Variants in CAMKMT observed in about 807,000 individuals in gnomAD.
CAMKMT encodes CaM KMT.
A neutral mutation model predicts 48.0 loss-of-function variants in CAMKMT; 53 were observed. The ratio of observed to expected loss-of-function variants is 1.10; its 90% CI spans 0.89 to 1.39. The LOEUF (loss-of-function observed/expected upper bound fraction) is 1.39, where lower values mean the gene tolerates loss of function less well. CAMKMT is among the 40% of genes most tolerant of loss of function. The probability of loss-of-function intolerance (pLI) is 0.00; values close to 1 mark genes in which losing one functional copy is unlikely to be tolerated. For synonymous variants in CAMKMT, 165 were observed against 152.3 expected, an observed-to-expected ratio of 1.08 and a Z score of -0.61; for missense variants, 428 against 402.7, an observed-to-expected ratio of 1.06 and a Z score of -0.54.
chr2:44,746,982 T>C (rs539354891), intron 8 of CAMKMT, among the ~76,000 whole-genome samples: 29 of 152,342 alleles, frequency 1.9e-4, no homozygotes, highest in African/African-American at 7.0e-4. Context: ...ATTGTAGCTC[T>C]GCAAAAATAG....
intron 3 of CAMKMT, among the ~76,000 whole-genome samples, chr2:44,425,210 A>T (rs1684200657): frequency 6.6e-6 from 1 of 152,208 alleles, no homozygotes; most frequent in Non-Finnish European, 1.5e-5. Flanking sequence ...ACAATAGTTA[A>T]TGGCTGGGTT....
rs1001697341 is a variant in CAMKMT at position 44,772,319 on chromosome 2, G to A, written c.*206G>A. ...CCCCGCCTCTTTTTACACTCTGCTTGTTGCTCGTCCTGCCCTAAACCTTTG... is the reference window on the plus strand; with the variant it reads ...CCCCGCCTCTTTTTACACTCTGCTTATTGCTCGTCCTGCCCTAAACCTTTG... On this transcript the variant is annotated 3_prime_UTR_variant, in exon 11 of 11. Coordinates refer to ENST00000378494, the MANE Select transcript of CAMKMT (RefSeq NM_024766.5). The A allele has an allele frequency of 9.8e-6, 5 of 508,026 alleles. No individual in the cohort carries two copies. The highest frequency in any genetic ancestry group is 7.8e-5 in the African/African-American group (4 of 51,560). 31.5% of individuals were successfully genotyped at this position (508,026 alleles called of 1,614,324 possible).
At chr2:44,700,237 G>A (rs189037991) in intron 3 of CAMKMT, among the ~76,000 whole-genome samples, 2 of 152,202 alleles carry the variant, frequency 1.3e-5, no homozygotes, top group African/African-American at 4.8e-5. Context: ...AGAGAACGTT[G>A]TGGCTGGTTT....
chr2:44,527,794 C>G lies in CAMKMT; in HGVS notation c.376+137489C>G, dbSNP rs531715380. On this transcript the variant is annotated intron_variant, in intron 3 of 10. Coordinates refer to ENST00000378494, the MANE Select transcript of CAMKMT (RefSeq NM_024766.5). The stretch of plus-strand genomic sequence containing the variant: ...CTCCCACATGTGTACAGCCCCCCCC[C>G]CCATTATCAATATACTCAATGTTTG... 2.2e-4 allele frequency among the ~76,000 whole-genome samples: 30 copies of G among 137,478 alleles called. 1 individual carries two copies. The East Asian group carries it at 6.1e-3, about 28-fold the overall frequency. 90.2% of individuals were successfully genotyped at this position (137,478 alleles called of 152,430 possible). A position where few individuals can be genotyped will look rare whatever the true frequency, so the allele number is the denominator to read the frequency against.
rs550061459 is a variant in CAMKMT, at chr2:44,770,828, A to G, written c.895-1208A>G. On this transcript the variant is annotated intron_variant, in intron 10 of 10. Transcript: ENST00000378494. Reference sequence around the variant, plus strand: ...AATCCACAAGGATCTTCCTAAATAGACAACAAATCATCTGTACACAGAACA... The same window carrying G: ...AATCCACAAGGATCTTCCTAAATAGGCAACAAATCATCTGTACACAGAACA... Among the ~76,000 whole-genome samples the G allele has an allele frequency of 2.0e-5, 3 of 152,366 alleles. No homozygotes were observed. The East Asian group carries it at 5.8e-4, about 29-fold the overall frequency.
intron 2 of CAMKMT, among the ~76,000 whole-genome samples, chr2:44,379,289 A>G (rs1680006127): frequency 6.6e-6 from 1 of 152,182 alleles, no homozygotes; most frequent in Non-Finnish European, 1.5e-5. Context: ...TGTATGGCTA[A>G]TGTATTTTGT....
chr2:44,597,694 G>A (rs1020007878), intron 3 of CAMKMT, among the ~76,000 whole-genome samples: 4 of 152,090 alleles, frequency 2.6e-5, no homozygotes, highest in African/African-American at 9.7e-5. Flanking sequence ...AAATACAATT[G>A]TGGTATAGTA....
In CAMKMT at chr2:44,754,107, C is replaced by A; in HGVS notation, c.751C>A (p.Leu251Ile). ...ASLVDAIKRLLQPRGKAMVFA... is the reference protein window; with the variant it reads ...ASLVDAIKRLIQPRGKAMVFA... ...CCTTGTTGATGCAATAAAGAGATTACTCCAGCCCAGGGTAAGTATGTTTCT... is the reference window on the plus strand; with the variant it reads ...CCTTGTTGATGCAATAAAGAGATTAATCCAGCCCAGGGTAAGTATGTTTCT... The change falls in exon 9 of 11, where the codon CTC becomes ATC. Residue 251 changes from leucine to isoleucine, a missense_variant. Coordinates refer to ENST00000378494, the MANE Select transcript of CAMKMT (RefSeq NM_024766.5). The A allele has an allele frequency of 1.2e-6, 2 of 1,613,394 alleles. No homozygotes were observed. The highest frequency in any genetic ancestry group is 1.7e-6 in the Non-Finnish European group (2 of 1,179,338).
At chr2:44,551,853 A>T (rs2103654315) in intron 3 of CAMKMT, among the ~76,000 whole-genome samples, 1 of 152,292 alleles carries the variant, frequency 6.6e-6, no homozygotes, top group East Asian at 1.9e-4. Context: ...TACAGAAGAG[A>T]AAACTGAGTC....
At chr2:44,526,489 G>A (rs1324159911) in intron 3 of CAMKMT, among the ~76,000 whole-genome samples, 1 of 152,156 alleles carries the variant, frequency 6.6e-6, no homozygotes, top group South Asian at 2.1e-4. Context: ...TGGTCATATA[G>A]TTCCAGTCCA....
At chr2:44,481,836 G>C (rs1191359875) in intron 3 of CAMKMT, among the ~76,000 whole-genome samples, 1 of 151,822 alleles carries the variant, frequency 6.6e-6, no homozygotes, top group Non-Finnish European at 1.5e-5. Flanking sequence ...TATATTTTTA[G>C]GTATCATACA....
At position 44,534,458 on chromosome 2, in the gene CAMKMT, A is replaced by G. The variant is rs75898029; in HGVS notation, c.376+144153A>G. Among the ~76,000 whole-genome samples, 828 of 152,324 alleles carry G rather than the reference A, an allele frequency of 5.4e-3. 7 individuals are homozygous for G. Among genetic ancestry groups the G allele is most frequent in the African/African-American group, 0.019 (784 of 41,572 alleles). The stretch of plus-strand genomic sequence containing the variant: ...CATTCTTCTCATCATTATATTGAAC[A>G]TTCTGCAGGATAGAACATATGTTAG... On this transcript the variant is annotated intron_variant, in intron 3 of 10. Coordinates refer to ENST00000378494, the MANE Select transcript of CAMKMT (RefSeq NM_024766.5).
At chr2:44,621,136 T>TC (rs1672164147) in intron 3 of CAMKMT, among the ~76,000 whole-genome samples, 1 of 151,348 alleles carries the variant, frequency 6.6e-6, no homozygotes, top group Non-Finnish European at 1.5e-5. Context: ...GGCGTGGTGA[T>TC]GGGCGCTTGT....
chr2:44,515,377 A>C (rs924801656), intron 3 of CAMKMT, among the ~76,000 whole-genome samples: 2 of 152,160 alleles, frequency 1.3e-5, no homozygotes, highest in African/African-American at 2.4e-5. Flanking sequence ...AAATGCTTAC[A>C]ATCTGGCAAA....
intron 2 of CAMKMT, among the ~76,000 whole-genome samples, chr2:44,389,865 A>G (rs936247235): frequency 6.6e-6 from 1 of 152,094 alleles, no homozygotes. Context: ...GAGTAAATTT[A>G]TGTATTGTTG....
At chr2:44,768,222 T>C (rs1404675968) in intron 10 of CAMKMT, among the ~76,000 whole-genome samples, 1 of 151,892 alleles carries the variant, frequency 6.6e-6, no homozygotes, top group Non-Finnish European at 1.5e-5. Flanking sequence ...TTGCTGACAT[T>C]GGTACATTGG....
At chr2:44,363,285 T>C (rs985705091) in intron 1 of CAMKMT, among the ~76,000 whole-genome samples, 1 of 152,152 alleles carries the variant, frequency 6.6e-6, no homozygotes, top group African/African-American at 2.4e-5. Flanking sequence ...ATAGGAAGTA[T>C]CTATAATAAA....
Position 44,754,148 on chromosome 2 carries a change from C to A in CAMKMT, c.762+30C>A. 3 of 1,523,784 alleles carry A rather than the reference C, an allele frequency of 2.0e-6. No individual in the cohort carries two copies. The East Asian group carries it at 6.7e-5, about 34-fold the overall frequency. 94.4% of individuals were successfully genotyped at this position (1,523,784 alleles called of 1,614,324 possible). ...GTATGTTTCTATTTTCTCCTGAACA[C>A]TGGCTACAGAATAATTAGTCTGTGC... On this transcript the variant is annotated intron_variant, in intron 9 of 10. Transcript: ENST00000378494.
chr2:44,657,293 G>T lies in CAMKMT; in HGVS notation c.377-46990G>T, dbSNP rs1226665792. On this transcript the variant is annotated intron_variant, in intron 3 of 10. Transcript: ENST00000378494. This position sits in a 1 kb window ranked among gnomAD's most constrained non-coding sequence, Gnocchi z 4.3. ...ACTAAAGAAATGCCAGAAGAGTGTTGCACAAGTTAATTGATTTTCAGTGGT... is the reference window on the plus strand; with the variant it reads ...ACTAAAGAAATGCCAGAAGAGTGTTTCACAAGTTAATTGATTTTCAGTGGT... Among the ~76,000 whole-genome samples, 1 of 152,158 alleles carries T rather than the reference G, an allele frequency of 6.6e-6. No individual in the cohort carries two copies. The highest frequency in any genetic ancestry group is 1.5e-5 in the Non-Finnish European group (1 of 68,010).
Sources: gnomAD v4.1 joint callset for allele counts (sites outside exome capture counted in the v4.1 genomes callset) on GRCh38, gnomAD v4.1.1 for gene constraint, Gnocchi (gnomAD v3.1) non-coding constraint, MANE v1.5 for transcripts, NCBI Gene and HGNC (gene_info 2026-07-23, HGNC 2026-07-21) for gene names.